PHACTR1: variants seen among roughly 807,000 people sequenced by gnomAD.
PHACTR1 encodes phosphatase and actin regulator 1.
Under a neutral mutation model 69.2 loss-of-function variants are expected in PHACTR1, and 16 were observed. That is an observed-to-expected ratio of 0.23 (90% CI 0.16 to 0.35). The LOEUF is 0.35. Ranked by LOEUF, PHACTR1 falls within the 10% of genes least tolerant of loss-of-function variation. The pLI is 1.00. For missense variants in PHACTR1, 510 were observed against 734.7 expected, an observed-to-expected ratio of 0.69 and a Z score of 3.54; for synonymous variants, 312 against 284.5, an observed-to-expected ratio of 1.10 and a Z score of -0.97.
At chr6:12,921,751 GGAAGGAAGGAAGAAGGAAGGGAGAGAAAC>G (rs1787714110) in intron 4 of PHACTR1, among the ~76,000 whole-genome samples, 1 of 117,984 alleles carries the variant, frequency 8.5e-6, no homozygotes, top group South Asian at 3.2e-4. Context: ...GAGGAGGAAA[GGAAGGAAGGAAGAAGGAAGGGAGAGAAAC>G]AGGGAGGGAG....
At chr6:13,008,045 A>G (rs1298709599) in intron 4 of PHACTR1, among the ~76,000 whole-genome samples, 1 of 152,224 alleles carries the variant, frequency 6.6e-6, no homozygotes, top group Non-Finnish European at 1.5e-5. Flanking sequence ...AAAACTGCTC[A>G]CACATTTAGA....
At chr6:12,906,694 G>A (rs62386760) in intron 4 of PHACTR1, among the ~76,000 whole-genome samples, 1,576 of 152,202 alleles carry the variant, frequency 0.01, 16 homozygotes, top group Non-Finnish European at 0.012. Context: ...TGTTGTCTTC[G>A]TTTTCTAGCA....
chr6:13,110,226 A>G (rs1472822689), intron 5 of PHACTR1, among the ~76,000 whole-genome samples: 3 of 151,908 alleles, frequency 2.0e-5, no homozygotes, highest in Non-Finnish European at 4.4e-5. Flanking sequence ...CCAAGCATTT[A>G]TTTTAGTTCT....
At chr6:13,043,375 G>A (rs1451580706) in intron 4 of PHACTR1, among the ~76,000 whole-genome samples, 3 of 152,136 alleles carry the variant, frequency 2.0e-5, no homozygotes, top group South Asian at 2.1e-4. Flanking sequence ...TGCAGTGAAC[G>A]GAGATAGAGC....
intron 5 of PHACTR1, among the ~76,000 whole-genome samples, chr6:13,125,894 C>G (rs1049135813): frequency 4.6e-5 from 7 of 151,822 alleles, no homozygotes; most frequent in Admixed American, 4.6e-4. Flanking sequence ...CGTACCACTA[C>G]GCTCCATCCT....
chr6:13,015,790 T>C (rs1006919714), intron 4 of PHACTR1, among the ~76,000 whole-genome samples: 2 of 152,228 alleles, frequency 1.3e-5, no homozygotes, highest in African/African-American at 4.8e-5. Context: ...CAGTTCTTCT[T>C]GAAACGTGCG....
intron 8 of PHACTR1, among the ~76,000 whole-genome samples, chr6:13,207,590 A>ATG (rs112423592): frequency 0.042 from 6,378 of 150,874 alleles, 403 homozygotes; most frequent in African/African-American, 0.14. Flanking sequence ...ACATGAGTGT[A>ATG]TGTGTGTGTG....
intron 6 of PHACTR1, among the ~76,000 whole-genome samples, chr6:13,175,880 C>T (rs1761248842): frequency 6.6e-6 from 1 of 152,244 alleles, no homozygotes; most frequent in African/African-American, 2.4e-5. Context: ...TGGGTCTGAT[C>T]ATGCTCCTCC....
At position 12,910,161 on chromosome 6, in the gene PHACTR1, G is replaced by T. The variant is rs571688756; in HGVS notation, c.251-143204G>T. 4.6e-5 allele frequency among the ~76,000 whole-genome samples: 7 copies of T among 152,278 alleles called. No homozygotes were observed. In the South Asian group the frequency reaches 1.5e-3, roughly 32 times the overall value. On this transcript the variant is annotated intron_variant, in intron 4 of 14. Transcript: ENST00000332995. ...GCCCCAGACCAGCCAAGAGGGAGGAGTAGGCAGGTTTTCTGCTGCACATCT... is the reference window on the plus strand; with the variant it reads ...GCCCCAGACCAGCCAAGAGGGAGGATTAGGCAGGTTTTCTGCTGCACATCT...
chr6:12,785,324 ACTC>A (rs1771407379), intron 4 of PHACTR1, among the ~76,000 whole-genome samples: 1 of 151,952 alleles, frequency 6.6e-6, no homozygotes, highest in Admixed American at 6.6e-5. Context: ...TCCAATTTCC[ACTC>A]CATGGCAGAG....
intron 4 of PHACTR1, among the ~76,000 whole-genome samples, chr6:12,978,724 G>A (rs1169001307): frequency 6.6e-6 from 1 of 152,220 alleles, no homozygotes; most frequent in African/African-American, 2.4e-5. Context: ...TTGATGACAC[G>A]TGTTTGTTGC....
At chr6:13,258,940 T>C (rs1389166060) in intron 10 of PHACTR1, among the ~76,000 whole-genome samples, 1 of 152,254 alleles carries the variant, frequency 6.6e-6, no homozygotes, top group Non-Finnish European at 1.5e-5. Context: ...TATATAGCTC[T>C]AACTGAAAGC....
chr6:12,906,071 G>T (rs1445034996), intron 4 of PHACTR1, among the ~76,000 whole-genome samples: 2 of 152,276 alleles, frequency 1.3e-5, no homozygotes, highest in African/African-American at 2.4e-5. Flanking sequence ...GTCTGTCATT[G>T]TCTATATATG....
chr6:12,845,310 C>A (rs903420890), intron 4 of PHACTR1, among the ~76,000 whole-genome samples: 8 of 150,818 alleles, frequency 5.3e-5, no homozygotes, highest in African/African-American at 1.7e-4. Context: ...GCCAGCAGAT[C>A]TTTTGTAAAT....
chr6:13,079,518 T>C (rs1036155863), intron 5 of PHACTR1, among the ~76,000 whole-genome samples: 1 of 152,140 alleles, frequency 6.6e-6, no homozygotes, highest in Non-Finnish European at 1.5e-5. Context: ...CATTAATTTT[T>C]CACTCCTCTC....
chr6:12,995,639 C>T (rs1372352784), intron 4 of PHACTR1, among the ~76,000 whole-genome samples: 1 of 151,760 alleles, frequency 6.6e-6, no homozygotes, highest in Non-Finnish European at 1.5e-5. Flanking sequence ...TGTATTAATA[C>T]TTAATGGTAA....
intron 4 of PHACTR1, among the ~76,000 whole-genome samples, chr6:13,017,119 G>A (rs915563628): frequency 6.7e-6 from 1 of 148,280 alleles, no homozygotes; most frequent in South Asian, 2.2e-4. Context: ...CCAGGAGGTG[G>A]AGGTTGCAGT....
chr6:12,975,529 G>A (rs1168759238), intron 4 of PHACTR1, among the ~76,000 whole-genome samples: 4 of 152,140 alleles, frequency 2.6e-5, no homozygotes, highest in Non-Finnish European at 5.9e-5. Flanking sequence ...ATTTTCAATT[G>A]CTTGGTATAG....
At chr6:12,748,449 C>T (rs1334157554) in intron 3 of PHACTR1, among the ~76,000 whole-genome samples, 3 of 152,058 alleles carry the variant, frequency 2.0e-5, no homozygotes, top group African/African-American at 4.8e-5. Context: ...CAGGTGGGCA[C>T]TTATTAGATA....
Sources: allele counts gnomAD v4.1 joint callset (sites outside exome capture counted in the v4.1 genomes callset), GRCh38; gene constraint gnomAD v4.1.1; transcripts MANE v1.5; gene names NCBI Gene and HGNC (gene_info 2026-07-23, HGNC 2026-07-21).